The following SMUG1 variants were observed in gnomAD, a reference collection of about 807,000 sequenced individuals.
The protein encoded by SMUG1 is single-strand selective monofunctional uracil DNA glycosylase.
Under a neutral mutation model 23.9 loss-of-function variants are expected in SMUG1, and 13 were observed. The observed-to-expected ratio is 0.54, with a 90% CI of 0.35 to 0.86. SMUG1 has a LOEUF of 0.86. SMUG1 is among the 40% of genes least tolerant of loss of function. SMUG1 has a pLI of 0.01. For synonymous variants in SMUG1, 133 were observed against 139.8 expected, an observed-to-expected ratio of 0.95 and a Z score of 0.34; for missense variants, 313 against 339.5, an observed-to-expected ratio of 0.92 and a Z score of 0.61.
Position 54,182,382 on chromosome 12 carries a change from T to C in SMUG1, c.527A>G (p.Asn176Ser). ...GGCAGGCAGCTCAGCAGGAGTAAGG[T>C]TGCGCCCGCTGGGAGCCAGGAAAAG... ...PLLFLAPSGRNLTPAELPAKQ... is the reference protein window; with the variant it reads ...PLLFLAPSGRSLTPAELPAKQ... The change falls in exon 4 of 4, where the codon AAC becomes AGC. Residue 176 changes from asparagine to serine, a missense_variant. Asn to Ser is a conservative substitution (Grantham distance 46). Coordinates refer to ENST00000682136, the MANE Select transcript of SMUG1 (RefSeq NM_001243787.2). The C allele has an allele frequency of 6.2e-7, 1 of 1,614,104 alleles. No individual in the cohort carries two copies. The highest frequency in any genetic ancestry group is 8.5e-7 in the Non-Finnish European group (1 of 1,180,026).
chr12:54,162,387 G>A (rs1940298217), downstream of SMUG1: 1 of 152,136 alleles, frequency 6.6e-6, no homozygotes, highest in African/African-American at 2.4e-5. Context: ...GTTTCACTCA[G>A]CCTCCGCTCT....
At chr12:54,169,514 A>T (rs1940562902) in intron 3 of SMUG1, among the ~76,000 whole-genome samples, 2 of 151,626 alleles carry the variant, frequency 1.3e-5, no homozygotes. Context: ...CAGGCTTAAA[A>T]AAAAAAAAAA....
chr12:54,171,466 C>T (rs1195865628), intron 3 of SMUG1, among the ~76,000 whole-genome samples: 1 of 151,038 alleles, frequency 6.6e-6, no homozygotes, highest in Non-Finnish European at 1.5e-5. Flanking sequence ...CCAAGGTGGG[C>T]AGATCACGAG....
In SMUG1 at chr12:54,164,805, A is replaced by T. The variant is rs1294459199; in HGVS notation, c.*158-28T>A. 3.3e-5 allele frequency: 5 copies of T among 152,240 alleles called. No individual in the cohort carries two copies. The East Asian group carries it at 9.6e-4, about 29-fold the overall frequency. 9.4% of individuals were successfully genotyped at this position (152,240 alleles called of 1,614,324 possible). A position where few individuals can be genotyped will look rare whatever the true frequency, so the allele number is the denominator to read the frequency against. On this transcript the variant is annotated intron_variant and NMD_transcript_variant, in intron 4 of 4. Coordinates refer to the SMUG1 transcript ENST00000509864. ...GAAAGAAGTGCAAGAGTGGAATAATAATAGTAGCAGTGAAAACATGAGCAT... is the reference window on the plus strand; with the variant it reads ...GAAAGAAGTGCAAGAGTGGAATAATTATAGTAGCAGTGAAAACATGAGCAT...
intron 4 of SMUG1, among the ~76,000 whole-genome samples, chr12:54,159,597 T>G (rs954282594): frequency 6.6e-6 from 1 of 152,176 alleles, no homozygotes; most frequent in Non-Finnish European, 1.5e-5. Context: ...TCATATTCAT[T>G]TTTAAAAGGA....
At chr12:54,185,360 G>A (rs541561187) in intron 2 of SMUG1, among the ~76,000 whole-genome samples, 21 of 151,194 alleles carry the variant, frequency 1.4e-4, no homozygotes, top group Non-Finnish European at 2.2e-4. Context: ...CCAGCTACTC[G>A]GGAGGCTGAG....
rs377424630 is a variant in SMUG1 at position 54,166,777 on chromosome 12, G to A, written c.*53-1299C>T. On this transcript the variant is annotated intron_variant and NMD_transcript_variant, in intron 3 of 4. Transcript: ENST00000509864. ...AGAGTGACCTCAGGCACAGGGGACA[G>A]GAGACACACAGGGAGGAAAGAGATG... Among the ~76,000 whole-genome samples, 311 of 152,298 alleles carry A rather than the reference G, an allele frequency of 2.0e-3. 8 individuals are homozygous for A. The South Asian group carries it at 0.055, about 27-fold the overall frequency.
At position 54,182,247 on chromosome 12, in the gene SMUG1, G is replaced by A. The variant is rs1461537796; in HGVS notation, c.662C>T (p.Ala221Val). 3 of 1,611,996 alleles carry A rather than the reference G, an allele frequency of 1.9e-6. No individual in the cohort carries two copies. Among genetic ancestry groups the A allele is most frequent in the East Asian group, 2.2e-5 (1 of 44,828 alleles). Residue 221 changes from alanine (A) to valine (V), a missense_variant, in exon 4 of 4, where the codon GCA becomes GTA. Transcript: ENST00000682136. Reference sequence around the variant, plus strand: ...CATCAGGCCTGCCAGAGCCCGTCGTGCCCGCTGCTCTGCCAGTCGCCCAAC... The same window carrying A: ...CATCAGGCCTGCCAGAGCCCGTCGTACCCGCTGCTCTGCCAGTCGCCCAAC... Reference protein sequence around the residue: ...VGVGRLAEQRARRALAGLMPE... With the variant: ...VGVGRLAEQRVRRALAGLMPE...
At chr12:54,171,473 C>T (rs1045586930) in intron 3 of SMUG1, among the ~76,000 whole-genome samples, 1 of 150,986 alleles carries the variant, frequency 6.6e-6, no homozygotes, top group East Asian at 2.0e-4. Context: ...GGGCAGATCA[C>T]GAGGTCAGGA....
intron 2 of SMUG1, among the ~76,000 whole-genome samples, chr12:54,185,339 C>T (rs1433421979): frequency 1.3e-5 from 2 of 150,818 alleles, no homozygotes; most frequent in Non-Finnish European, 3.0e-5. Context: ...TTGTGGTGGG[C>T]ACCTGTAATC....
At chr12:54,178,890 A>T (rs139741671), downstream of SMUG1, among the ~76,000 whole-genome samples, 454 of 152,274 alleles carry the variant, frequency 3.0e-3, 2 homozygotes, top group African/African-American at 0.01. Context: ...CCCACAGGAA[A>T]ACCCACCCAG....
At chr12:54,188,299 AATAAT>A (rs1565844671) in intron 1 of SMUG1, among the ~76,000 whole-genome samples, 2,721 of 59,944 alleles carry the variant, frequency 0.045, 55 homozygotes, top group African/African-American at 0.13. Flanking sequence ...AATAATAAAT[AATAAT>A]AATAATAATA....
chr12:54,181,675 A>T lies in SMUG1; in HGVS notation c.*421T>A, dbSNP rs1215221111. 8.2e-6 allele frequency: 13 copies of T among 1,582,390 alleles called. 1 individual carries two copies. Among genetic ancestry groups the T allele is most frequent in the Non-Finnish European group, 1.1e-5 (13 of 1,171,476 alleles). ...GTGAGGAAAGGGGTCAGCTAAAGGT[A>T]ACTGTTCTATAAGGATGGGTAGGTA... On this transcript the variant is annotated 3_prime_UTR_variant, in exon 4 of 4. Transcript: ENST00000682136.
intron 3 of SMUG1, among the ~76,000 whole-genome samples, chr12:54,165,689 A>T (rs1288374179): frequency 6.6e-6 from 1 of 152,188 alleles, no homozygotes; most frequent in African/African-American, 2.4e-5. Flanking sequence ...ATAAATAAAT[A>T]AAATTAAAAA....
intron 1 of SMUG1, among the ~76,000 whole-genome samples, chr12:54,188,320 AATAAT>A (rs1470136989): frequency 2.8e-5 from 2 of 71,354 alleles, no homozygotes; most frequent in Non-Finnish European, 6.7e-5. Flanking sequence ...TAATAATAAT[AATAAT>A]AATAATAATA....
At chr12:54,184,065 C>T (rs1941771349) in intron 2 of SMUG1, 106 bp from the exon 3 acceptor site, 1 of 939,006 alleles carries the variant, frequency 1.1e-6, no homozygotes, top group South Asian at 1.9e-5. Flanking sequence ...CAGAAGGGAC[C>T]CTAAGAGACC....
Position 54,183,895 on chromosome 12 carries a change from C to A in SMUG1, c.46G>T (p.Ala16Ser), listed in dbSNP as rs141592763. 1.2e-6 allele frequency: 2 copies of A among 1,605,088 alleles called. No homozygotes were observed. ...GGGCAGGGCTGGGGCTCCATGAGGGCACCTGCAGGCTCATGGATGGACCCC... is the reference window on the plus strand; with the variant it reads ...GGGCAGGGCTGGGGCTCCATGAGGGAACCTGCAGGCTCATGGATGGACCCC... ...LLGSIHEPAG[A>S]LMEPQPCPGS... The change falls in exon 3 of 4, where the codon GCC (alanine) becomes TCC (serine). Residue 16 changes from alanine to serine, a missense_variant. By Grantham distance (99) the Ala-to-Ser change is moderately conservative. Transcript: ENST00000682136.
At chr12:54,188,389 AGGCCGAGGCG>A (rs1565845844) in intron 1 of SMUG1, 1 of 151,054 alleles carries the variant, frequency 6.6e-6, no homozygotes, top group East Asian at 2.0e-4. Flanking sequence ...GCACTTTGGG[AGGCCGAGGCG>A]GGCGGATCAC....
chr12:54,162,388 C>G (rs1342803298), downstream of SMUG1: 1 of 152,200 alleles, frequency 6.6e-6, no homozygotes, highest in African/African-American at 2.4e-5. Flanking sequence ...TTTCACTCAG[C>G]CTCCGCTCTA....
Sources: gnomAD v4.1 joint callset for allele counts (sites outside exome capture counted in the v4.1 genomes callset) on GRCh38, gnomAD v4.1.1 for gene constraint, MANE v1.5 for transcripts, NCBI Gene and HGNC (gene_info 2026-07-23, HGNC 2026-07-21) for gene names.